SSX2IP: variants seen among roughly 807,000 people sequenced by gnomAD.
The protein encoded by SSX2IP is afadin- and alpha-actinin-binding protein.
SSX2IP carries 55 observed loss-of-function variants against 84.9 expected under a neutral mutation model. The ratio of observed to expected loss-of-function variants is 0.65; its 90% CI spans 0.52 to 0.81. The LOEUF is 0.81. Ranked by LOEUF, SSX2IP falls within the 30% of genes least tolerant of loss-of-function variation. SSX2IP has a pLI of 0.00. For synonymous variants in SSX2IP, 239 were observed against 234.7 expected (o/e 1.02, Z -0.17); for missense variants, 664 against 705.2 (o/e 0.94, Z 0.66).
chr1:84,685,364 G>C (rs760457753), intron 1 of SSX2IP, among the ~76,000 whole-genome samples: 1 of 152,222 alleles, frequency 6.6e-6, no homozygotes, highest in Non-Finnish European at 1.5e-5. Flanking sequence ...TCCATGGATG[G>C]CAAGTTAATA....
chr1:84,663,124 T>C (rs980348463), intron 6 of SSX2IP, among the ~76,000 whole-genome samples: 7 of 152,186 alleles, frequency 4.6e-5, no homozygotes, highest in African/African-American at 1.7e-4. Flanking sequence ...ATTAACATCA[T>C]CATTTTCATC....
chr1:84,676,037 T>A (rs1654280372), intron 1 of SSX2IP, among the ~76,000 whole-genome samples: 1 of 152,230 alleles, frequency 6.6e-6, no homozygotes, highest in Non-Finnish European at 1.5e-5. Context: ...TGAGGCTGTG[T>A]CACAGATGTG....
Position 84,669,740 on chromosome 1 carries a change from G to C in SSX2IP, c.367C>G (p.Gln123Glu). 6.2e-7 allele frequency: 1 copy of C among 1,613,758 alleles called. No individual in the cohort carries two copies. ...ATATCACTTCCCAGCTTCAAATTCT[G>C]TGTCTCCACATTTTCCTGAGCTAGA... ...NLLAQENVET[Q>E]NLKLGSDMDH... Residue 123 changes from glutamine (Q) to glutamate (E), a missense_variant, in exon 4 of 14, where the codon CAG (glutamine) becomes GAG (glutamate). Physicochemically the swap from Gln to Glu is conservative, Grantham distance 29. Coordinates refer to ENST00000342203, the MANE Select transcript of SSX2IP (RefSeq NM_001166293.2).
chr1:84,686,170 CTTT>C (rs139770972), intron 1 of SSX2IP, among the ~76,000 whole-genome samples: 9,775 of 151,884 alleles, frequency 0.064, 427 homozygotes, highest in South Asian at 0.095. Context: ...TACTTTTTTG[CTTT>C]TTATCTTAAT....
chr1:84,649,117 A>G (rs1649858338), intron 13 of SSX2IP, among the ~76,000 whole-genome samples: 1 of 152,238 alleles, frequency 6.6e-6, no homozygotes, highest in Non-Finnish European at 1.5e-5. Flanking sequence ...TATTCTGTAA[A>G]TGAAATCCCA....
At chr1:84,655,616 GT>G (rs34908054) in intron 11 of SSX2IP, 79,887 of 1,458,994 alleles carry the variant, frequency 0.055, 2,861 homozygotes, top group African/African-American at 0.18. Flanking sequence ...TGCTTATAGC[GT>G]TTTTTTTTCT....
At chr1:84,659,699 G>T (rs1208666931) in intron 8 of SSX2IP, among the ~76,000 whole-genome samples, 1 of 151,368 alleles carries the variant, frequency 6.6e-6, no homozygotes, top group Non-Finnish European at 1.5e-5. Context: ...TCAGGAGGCT[G>T]AGGCAGGAGA....
chr1:84,664,531 T>C lies in SSX2IP; in HGVS notation c.559A>G (p.Ile187Val). The C allele has an allele frequency of 6.3e-7, 1 of 1,577,760 alleles. No homozygotes were observed. The highest frequency in any genetic ancestry group is 8.6e-7 in the Non-Finnish European group (1 of 1,166,776). ...KDEVQKLQNI[I>V]ASRATQYNHD... ...TTATACTGAGTAGCTCGACTTGCAA[T>C]GATATTTTGTAATTTTTGCACCTGA... Residue 187 changes from isoleucine (I) to valine (V), a missense_variant, in exon 6 of 14, where the codon ATT becomes GTT. Physicochemically the swap from Ile to Val is conservative, Grantham distance 29. Coordinates refer to ENST00000342203, the MANE Select transcript of SSX2IP (RefSeq NM_001166293.2).
chr1:84,671,745 T>C (rs966178104), intron 1 of SSX2IP, among the ~76,000 whole-genome samples: 1 of 152,206 alleles, frequency 6.6e-6, no homozygotes, highest in Admixed American at 6.5e-5. Flanking sequence ...ATTCCCAGTG[T>C]TGGCAAAGAT....
chr1:84,688,185 C>G (rs1341071232), intron 1 of SSX2IP, among the ~76,000 whole-genome samples: 1 of 152,124 alleles, frequency 6.6e-6, no homozygotes, highest in Admixed American at 6.5e-5. Flanking sequence ...AGGCACAATT[C>G]TAGGATGTTT....
At chr1:84,687,514 T>G (rs1226625683) in intron 1 of SSX2IP, among the ~76,000 whole-genome samples, 4 of 152,190 alleles carry the variant, frequency 2.6e-5, no homozygotes. Flanking sequence ...TTAATTTGTA[T>G]CCCTATTCTT....
In SSX2IP at chr1:84,643,827, A is replaced by G. The variant is rs1184419730; in HGVS notation, c.*3606T>C. On this transcript the variant is annotated 3_prime_UTR_variant, in exon 14 of 14. Coordinates refer to ENST00000342203, the MANE Select transcript of SSX2IP (RefSeq NM_001166293.2). ...GAGGTGGATCTTTATCAGGAGCTTC[A>G]TATGTCACTGACATTACAGTACTTC... 2 of 152,200 alleles carry G rather than the reference A, an allele frequency of 1.3e-5. No homozygotes were observed. The highest frequency in any genetic ancestry group is 2.1e-4 in the South Asian group (1 of 4,834). The allele number at this position is 152,200 out of a possible 1,614,324, so 9.4% of individuals were successfully genotyped here.
chr1:84,672,516 T>C (rs1486900137), intron 1 of SSX2IP, among the ~76,000 whole-genome samples: 1 of 152,140 alleles, frequency 6.6e-6, no homozygotes, highest in African/African-American at 2.4e-5. Context: ...CATCTTGATC[T>C]GAGATGTGGT....
chr1:84,690,004 C>T (rs1476477357), intron 1 of SSX2IP: 1 of 152,416 alleles, frequency 6.6e-6, no homozygotes, highest in Non-Finnish European at 1.5e-5. Flanking sequence ...GCCATCCCCT[C>T]CTCCCCCACG....
chr1:84,658,692 T>C (rs1164489010), intron 8 of SSX2IP, among the ~76,000 whole-genome samples: 2 of 152,234 alleles, frequency 1.3e-5, no homozygotes, highest in African/African-American at 4.8e-5. Context: ...ATACAGTTAA[T>C]GACAAGAGTC....
chr1:84,666,326 A>AGT, intron 4 of SSX2IP, 94 bp from the exon 5 acceptor site: 1 of 845,890 alleles, frequency 1.2e-6, no homozygotes, highest in Middle Eastern at 2.2e-4. Context: ...TATACATCCT[A>AGT]GTGTTTATTA....
chr1:84,670,670 T>C lies in SSX2IP; in HGVS notation c.189A>G (p.Glu63=), dbSNP rs1352330993. Reference sequence around the variant, plus strand: ...CCTGATCAAGATATGAGATACTCTGTTCAATATTATCTTCTGTGCAGAAGG... The same window carrying C: ...CCTGATCAAGATATGAGATACTCTGCTCAATATTATCTTCTGTGCAGAAGG... The part of the protein sequence containing the change: ...FSAFCTEDNI[E]QSISYLDQEL... The change falls in exon 3 of 14, where the codon GAA becomes GAG. Residue 63 remains glutamate (E), a synonymous_variant. Transcript: ENST00000342203. 1 of 1,609,964 alleles carries C rather than the reference T, an allele frequency of 6.2e-7. No individual in the cohort carries two copies. The highest frequency in any genetic ancestry group is 8.5e-7 in the Non-Finnish European group (1 of 1,178,016).
intron 1 of SSX2IP, among the ~76,000 whole-genome samples, chr1:84,672,912 C>G (rs1182934712): frequency 6.6e-6 from 1 of 152,160 alleles, no homozygotes; most frequent in Non-Finnish European, 1.5e-5. Flanking sequence ...GTAATCCCAG[C>G]TACTCAAGAG....
intron 1 of SSX2IP, among the ~76,000 whole-genome samples, chr1:84,677,759 C>T (rs1369313602): frequency 1.3e-5 from 2 of 152,282 alleles, no homozygotes; most frequent in Non-Finnish European, 1.5e-5. Context: ...AAGGAACTGA[C>T]GTCTGAGGTC....
Sources: allele counts gnomAD v4.1 joint callset (sites outside exome capture counted in the v4.1 genomes callset), GRCh38; gene constraint gnomAD v4.1.1; transcripts MANE v1.5; gene names NCBI Gene and HGNC (gene_info 2026-07-23, HGNC 2026-07-21).